The following DMD variants were observed in gnomAD, a reference collection of about 807,000 sequenced individuals.
DMD encodes the protein mutant dystrophin.
A neutral mutation model predicts 330.1 loss-of-function variants in DMD; 63 were observed. The observed-to-expected ratio is 0.19, with a 90% CI of 0.16 to 0.24. DMD has a LOEUF of 0.24. DMD is among the 10% of genes least tolerant of loss of function. The pLI, the probability that DMD is intolerant of heterozygous loss-of-function variation, is 1.00. For missense variants in DMD, 3,344 were observed against 2,684.1 expected (o/e 1.25, Z -5.43); for synonymous variants, 1,223 against 959.8 (o/e 1.27, Z -5.07).
intron 45 of DMD, among the ~76,000 whole-genome samples, chrX:31,950,077 C>T (rs970297034): frequency 4.5e-5 from 5 of 110,512 alleles, no homozygotes; most frequent in East Asian, 2.8e-4. Context: ...TTTCTTATGG[C>T]GAAAGCTTGA....
intron 1 of DMD, among the ~76,000 whole-genome samples, chrX:33,144,522 T>C (rs1225226403): frequency 8.9e-6 from 1 of 111,893 alleles, no homozygotes; most frequent in East Asian, 2.8e-4. Context: ...TATGCCTGTA[T>C]CAAAATATCA....
intron 9 of DMD, among the ~76,000 whole-genome samples, chrX:32,669,420 G>C (rs752700568): frequency 2.7e-5 from 3 of 111,130 alleles, no homozygotes; most frequent in African/African-American, 9.8e-5. Flanking sequence ...CTCTTAAATC[G>C]TACCTAACTA....
chrX:31,882,619 T>C (rs983879551), intron 47 of DMD, among the ~76,000 whole-genome samples: 2 of 111,883 alleles, frequency 1.8e-5, no homozygotes, highest in East Asian at 5.6e-4. Flanking sequence ...ATATTCGCAA[T>C]GCATAGATCT....
At chrX:33,197,183 C>A (rs1334187175) in intron 1 of DMD, among the ~76,000 whole-genome samples, 1 of 111,400 alleles carries the variant, frequency 9.0e-6, no homozygotes, top group East Asian at 2.8e-4. Flanking sequence ...GGTGATGATA[C>A]CCTAGCCTTC....
In DMD at chrX:32,438,311, C is replaced by T. The variant is rs755630090; in HGVS notation, c.4001G>A (p.Gly1334Glu). The T allele has an allele frequency of 1.7e-6, 2 of 1,211,212 alleles. No homozygotes were observed. The highest frequency in any genetic ancestry group is 3.5e-5 in the South Asian group (2 of 56,989). ...RILAQTLTDG[G>E]VMDELINEEL... is the part of the protein sequence containing the mutation. ...CTCATTGATTAGCTCATCCATGACT[C>T]CGCCATCTGTTAGGGTCTGTGCCAA... The change falls in exon 29 of 79, where the codon GGA (glycine) becomes GAA (glutamate). Residue 1334 changes from glycine (G) to glutamate (E), a missense_variant. Transcript: ENST00000357033.
intron 7 of DMD, among the ~76,000 whole-genome samples, chrX:32,727,037 T>A (rs1443650253): frequency 9.0e-6 from 1 of 110,804 alleles, no homozygotes; most frequent in Non-Finnish European, 1.9e-5. Context: ...TTCCTCTAGG[T>A]TGAAGTAAAA....
chrX:32,744,718 G>C (rs192971750), intron 7 of DMD, among the ~76,000 whole-genome samples: 3 of 111,307 alleles, frequency 2.7e-5, no homozygotes, highest in Non-Finnish European at 3.8e-5. Context: ...TCCCATCAAT[G>C]AATCTTCTCC....
chrX:32,594,061 C>T (rs780573127), intron 13 of DMD, among the ~76,000 whole-genome samples: 35 of 112,584 alleles, frequency 3.1e-4, no homozygotes, highest in Non-Finnish European at 6.2e-4. Flanking sequence ...TTTCTTCAAA[C>T]CTTTTCCAAA....
chrX:33,113,949 A>C (rs12556755), intron 1 of DMD, among the ~76,000 whole-genome samples: 3 of 109,500 alleles, frequency 2.7e-5, no homozygotes, highest in Non-Finnish European at 5.7e-5. Flanking sequence ...CTTACCCCTC[A>C]AAATGGTTAA....
At chrX:31,863,031 C>T (rs1311206755) in intron 48 of DMD, among the ~76,000 whole-genome samples, 1 of 112,842 alleles carries the variant, frequency 8.9e-6, no homozygotes, top group African/African-American at 3.2e-5. Context: ...AGGCTGCCCG[C>T]ACCCAGGCGC....
At chrX:31,377,341 G>GT (rs1351616266) in intron 60 of DMD, among the ~76,000 whole-genome samples, 3 of 112,059 alleles carry the variant, frequency 2.7e-5, no homozygotes, top group Non-Finnish European at 3.8e-5. Context: ...TTATTAGGGT[G>GT]TTTGTGAACT....
At chrX:32,375,325 G>C (rs2097897467) in intron 34 of DMD, among the ~76,000 whole-genome samples, 1 of 112,381 alleles carries the variant, frequency 8.9e-6, no homozygotes, top group South Asian at 3.7e-4. Context: ...TTCCTGTCCT[G>C]TTGCTCAATC....
At chrX:32,517,789 A>G (rs908552591) in intron 18 of DMD, 6 of 440,877 alleles carry the variant, frequency 1.4e-5, no homozygotes, top group Non-Finnish European at 2.4e-5. Context: ...AGGCAAGTTT[A>G]TGAAAGGCAT....
chrX:32,975,948 C>T (rs1380240254), intron 2 of DMD, among the ~76,000 whole-genome samples: 2 of 111,679 alleles, frequency 1.8e-5, no homozygotes, highest in African/African-American at 6.5e-5. Flanking sequence ...TGGCCTGGCA[C>T]GGTGGCTCAT....
At chrX:32,770,977 T>C (rs975952771) in intron 7 of DMD, among the ~76,000 whole-genome samples, 4 of 111,398 alleles carry the variant, frequency 3.6e-5, no homozygotes, top group African/African-American at 1.3e-4. Context: ...AATAAGCAGT[T>C]GAATCCTGTG....
At chrX:31,976,802 T>C (rs1349792518) in intron 44 of DMD, among the ~76,000 whole-genome samples, 2 of 111,816 alleles carry the variant, frequency 1.8e-5, no homozygotes, top group Non-Finnish European at 3.8e-5. Context: ...TCACAAGAAT[T>C]CCATGGGCCT....
intron 63 of DMD, among the ~76,000 whole-genome samples, chrX:31,228,124 G>A (rs1186059113): frequency 9.4e-6 from 1 of 106,408 alleles, no homozygotes; most frequent in Non-Finnish European, 1.9e-5. Flanking sequence ...GGGGGAGTGG[G>A]GGGGATAGCA....
chrX:31,433,207 G>A (rs1228304618), intron 60 of DMD, among the ~76,000 whole-genome samples: 3 of 111,809 alleles, frequency 2.7e-5, no homozygotes, highest in Non-Finnish European at 5.6e-5. Context: ...TTCCAACCAT[G>A]TTGCTACAGA....
intron 37 of DMD, 38 bp from the exon 38 acceptor site, chrX:32,348,566 C>G (rs1231183828): frequency 1.8e-6 from 2 of 1,133,047 alleles, no homozygotes; most frequent in Non-Finnish European, 2.4e-6. Flanking sequence ...ATCAAAATTA[C>G]TTTTTATTAG....
Sources: gnomAD v4.1 joint callset for allele counts (sites outside exome capture counted in the v4.1 genomes callset) on GRCh38, gnomAD v4.1.1 for gene constraint, MANE v1.5 for transcripts, NCBI Gene and HGNC (gene_info 2026-07-23, HGNC 2026-07-21) for gene names.